Variants in SAR1A observed in about 807,000 individuals in gnomAD.
SAR1A encodes secretion associated Ras related GTPase 1A.
A neutral mutation model predicts 22.6 loss-of-function variants in SAR1A; 6 were observed. The observed-to-expected ratio is 0.27, with a 90% CI of 0.15 to 0.52. The LOEUF (loss-of-function observed/expected upper bound fraction) is 0.52. Ranked by LOEUF, SAR1A falls within the 20% of genes least tolerant of loss-of-function variation. The pLI, the probability that SAR1A is intolerant of heterozygous loss-of-function variation, is 0.96. For synonymous variants in SAR1A, 70 were observed against 82.2 expected (o/e 0.85, Z 0.80); for missense variants, 145 against 245.1 (o/e 0.59, Z 2.73).
At chr10:70,164,151 A>G in intron 1 of SAR1A, 1 of 686,324 alleles carries the variant, frequency 1.5e-6, no homozygotes, top group Non-Finnish European at 2.7e-6. Context: ...AGAATGTGTT[A>G]AATTTCTTGC....
intron 1 of SAR1A, 70 bp from the exon 2 acceptor site, chr10:70,162,001 T>G: frequency 1.5e-5 from 17 of 1,125,576 alleles, no homozygotes; most frequent in Non-Finnish European, 2.1e-5. Flanking sequence ...AGGTTAACTC[T>G]TGTTCCCTAG....
Position 70,164,333 on chromosome 10 carries a change from C to T in SAR1A, c.-16-2402G>A, listed in dbSNP as rs949607060. Among the ~76,000 whole-genome samples, 47 of 152,298 alleles carry T rather than the reference C, an allele frequency of 3.1e-4. 1 individual carries two copies. Among genetic ancestry groups the T allele is most frequent in the Admixed American group, 3.0e-3 (46 of 15,292 alleles). On this transcript the variant is annotated intron_variant, in intron 1 of 6. Coordinates refer to ENST00000373241, the MANE Select transcript of SAR1A (RefSeq NM_020150.5). ...AGAAAACTGATGAAGTAACATGTTG[C>T]CTGTGGCTTACTCCGGATATATCTA...
In SAR1A at chr10:70,163,816, C is replaced by T. The variant is rs192124107; in HGVS notation, c.-16-1885G>A. ...TAATGAGGTCTCAGGCAGAATCCCA[C>T]AGAAGCAGAGTTACAGGACATGATT... On this transcript the variant is annotated intron_variant, in intron 1 of 6. Coordinates refer to ENST00000373241, the MANE Select transcript of SAR1A (RefSeq NM_020150.5). 843 of 1,467,480 alleles carry T rather than the reference C, an allele frequency of 5.7e-4. 3 individuals are homozygous for T. The highest frequency in any genetic ancestry group is 1.9e-3 in the Middle Eastern group (11 of 5,718). 90.9% of individuals were successfully genotyped at this position (1,467,480 alleles called of 1,614,324 possible).
chr10:70,157,892 A>T (rs73273591), intron 4 of SAR1A, 25 bp from the exon 5 acceptor site: 1 of 1,476,472 alleles, frequency 6.8e-7, no homozygotes, highest in East Asian at 2.3e-5. Flanking sequence ...TTGTAGTTGC[A>T]TGAGTAAAAA....
chr10:70,152,312 C>A lies in SAR1A; in HGVS notation c.*164G>T. On this transcript the variant is annotated 3_prime_UTR_variant, in exon 7 of 7. Coordinates refer to ENST00000373241, the MANE Select transcript of SAR1A (RefSeq NM_020150.5). ...TACCTCCCAACAGTGTGGAGAAGAGCACATGTCACCACTGGGCAATGAGAG... is the reference window on the plus strand; with the variant it reads ...TACCTCCCAACAGTGTGGAGAAGAGAACATGTCACCACTGGGCAATGAGAG... The A allele has an allele frequency of 1.1e-6, 1 of 887,646 alleles. No individual in the cohort carries two copies. Among genetic ancestry groups the A allele is most frequent in the Non-Finnish European group, 1.8e-6 (1 of 565,412 alleles). 55.0% of individuals were successfully genotyped at this position (887,646 alleles called of 1,614,324 possible). A position where few individuals can be genotyped will look rare whatever the true frequency, so the allele number is the denominator to read the frequency against.
At chr10:70,163,861 G>A in intron 1 of SAR1A, 4 of 1,587,960 alleles carry the variant, frequency 2.5e-6, no homozygotes, top group Non-Finnish European at 2.6e-6. Context: ...GATGCTGATG[G>A]TAATGGCACA....
chr10:70,170,313 AC>A (rs964873806), intron 1 of SAR1A, 99 bp downstream of exon 1: 4 of 91,646 alleles, frequency 4.4e-5, no homozygotes, highest in African/African-American at 1.6e-4. Context: ...CTTCCCCCCC[AC>A]CCAACCCCGC....
intron 1 of SAR1A, among the ~76,000 whole-genome samples, chr10:70,169,649 G>T (rs1051210649): frequency 6.6e-5 from 10 of 152,300 alleles, no homozygotes; most frequent in Admixed American, 4.6e-4. Context: ...GCAGATTTGG[G>T]GTAGTAGGCG....
intron 4 of SAR1A, 118 bp downstream of exon 4, chr10:70,160,886 C>A: frequency 4.7e-6 from 3 of 642,104 alleles, no homozygotes; most frequent in East Asian, 2.8e-5. Context: ...GTAATAAGAT[C>A]CTAATTCTAA....
intron 4 of SAR1A, among the ~76,000 whole-genome samples, chr10:70,159,738 G>C (rs1290846452): frequency 6.6e-6 from 1 of 152,198 alleles, no homozygotes; most frequent in East Asian, 1.9e-4. Context: ...AATCTCAATA[G>C]TTCCTTTTCC....
chr10:70,159,863 A>C (rs916200652), intron 4 of SAR1A, among the ~76,000 whole-genome samples: 16 of 152,202 alleles, frequency 1.1e-4, no homozygotes, highest in Non-Finnish European at 1.8e-4. Context: ...GTATGTCTCT[A>C]AACACCTGAT....
rs1839326943 is a variant in SAR1A at position 70,151,498 on chromosome 10, C to T, written c.*978G>A. On this transcript the variant is annotated 3_prime_UTR_variant, in exon 7 of 7. Transcript: ENST00000373241. ...ACTCACAGAATTAAGAGCCCTTAAG[C>T]TGTTAACTTTGTCCTGTCTTCCTAT... is the stretch of plus-strand genomic sequence containing the variant. 6.6e-6 allele frequency: 1 copy of T among 152,400 alleles called. No homozygotes were observed. The highest frequency in any genetic ancestry group is 1.5e-5 in the Non-Finnish European group (1 of 68,024). The allele number at this position is 152,400 out of a possible 1,614,324, so 9.4% of individuals were successfully genotyped here. A position where few individuals can be genotyped will look rare whatever the true frequency, so the allele number is the denominator to read the frequency against.
intron 1 of SAR1A, among the ~76,000 whole-genome samples, chr10:70,168,251 T>A (rs911009505): frequency 6.6e-6 from 1 of 152,244 alleles, no homozygotes; most frequent in Non-Finnish European, 1.5e-5. Context: ...GTAGTTCAAT[T>A]GCCATGAAAA....
chr10:70,150,263 C>T lies in SAR1A; in HGVS notation c.*2213G>A, dbSNP rs1839310758. The T allele has an allele frequency of 2.0e-5, 3 of 151,976 alleles. No homozygotes were observed. Among genetic ancestry groups the T allele is most frequent in the Admixed American group, 2.0e-4 (3 of 15,250 alleles). The allele number at this position is 151,976 out of a possible 1,614,324, so 9.4% of individuals were successfully genotyped here. On this transcript the variant is annotated 3_prime_UTR_variant, in exon 7 of 7. Coordinates refer to ENST00000373241, the MANE Select transcript of SAR1A (RefSeq NM_020150.5). Reference sequence around the variant, plus strand: ...CAGATTGACTTTCTTTCGTAAATGACTGTTTTACTTTTCCTGAAGTAGGAC... The same window carrying T: ...CAGATTGACTTTCTTTCGTAAATGATTGTTTTACTTTTCCTGAAGTAGGAC...
At chr10:70,157,423 A>C (rs1258045781) in intron 5 of SAR1A, among the ~76,000 whole-genome samples, 1 of 129,008 alleles carries the variant, frequency 7.8e-6, no homozygotes, top group African/African-American at 2.7e-5. Flanking sequence ...AAAAAAAAAA[A>C]AAAAAACAGA....
At position 70,153,979 on chromosome 10, in the gene SAR1A, GA is replaced by G. The variant is rs1470935322; in HGVS notation, c.349-11del. 18 of 1,518,446 alleles carry G rather than the reference GA, an allele frequency of 1.2e-5. No homozygotes were observed. Among genetic ancestry groups the G allele is most frequent in the South Asian group, 3.8e-5 (3 of 78,184 alleles). The allele number at this position is 1,518,446 out of a possible 1,614,324, so 94.1% of individuals were successfully genotyped here. On this transcript the variant is annotated splice_polypyrimidine_tract_variant and intron_variant, in intron 5 of 6. Transcript: ENST00000373241. ...CATCAGTCATTAAAGCCTAAAGATTGAAAAAAAAGAAAAAAAGAAAAAAAAG... is the reference window on the plus strand; with the variant it reads ...CATCAGTCATTAAAGCCTAAAGATTGAAAAAAAGAAAAAAAGAAAAAAAAG...
chr10:70,161,474 G>T, intron 3 of SAR1A, 145 bp downstream of exon 3: 2 of 844,190 alleles, frequency 2.4e-6, no homozygotes, highest in Non-Finnish European at 3.7e-6. Context: ...TACATAACCT[G>T]AGTGTGTCTT....
chr10:70,166,991 C>A (rs576431006), intron 1 of SAR1A, among the ~76,000 whole-genome samples: 4 of 152,094 alleles, frequency 2.6e-5, no homozygotes, highest in Non-Finnish European at 4.4e-5. Flanking sequence ...CAGAGCAAGA[C>A]CCTGTCTCAA....
At chr10:70,155,197 C>T in intron 5 of SAR1A, 2 of 466,418 alleles carry the variant, frequency 4.3e-6, no homozygotes, top group East Asian at 6.8e-5. Context: ...CAAATAGTAT[C>T]TATCTGTGGT....
Sources: allele counts gnomAD v4.1 joint callset (sites outside exome capture counted in the v4.1 genomes callset), GRCh38; gene constraint gnomAD v4.1.1; transcripts MANE v1.5; gene names NCBI Gene and HGNC (gene_info 2026-07-23, HGNC 2026-07-21).